TSNARE1: variants seen among roughly 807,000 people sequenced by gnomAD.
TSNARE1 encodes the protein t-SNARE domain-containing protein 1.
TSNARE1 carries 49 observed loss-of-function variants against 62.0 expected under a neutral mutation model. That is an observed-to-expected ratio of 0.79 (90% confidence interval 0.63 to 1.00). The LOEUF (loss-of-function observed/expected upper bound fraction) is 1.00, where lower values mean the gene tolerates loss of function less well. TSNARE1 is among the 50% of genes least tolerant of loss of function. The pLI is 0.00. For synonymous variants in TSNARE1, 328 were observed against 294.4 expected (o/e 1.11, Z -1.17); for missense variants, 755 against 700.1 (o/e 1.08, Z -0.88).
At chr8:142,362,423 C>T (rs12682490) in intron 1 of TSNARE1, among the ~76,000 whole-genome samples, 9,304 of 152,256 alleles carry the variant, frequency 0.061, 458 homozygotes, top group East Asian at 0.26. Context: ...AAGCATTCAG[C>T]GTAAGGCAGA....
rs531915448 is a variant in TSNARE1 at position 142,332,845 on chromosome 8, A to G, written c.746-1014T>C. ...GGGTTTACACAGAGGAGCAGAGCGC[A>G]CATCCAGAGAAGCTCCTGAAGAGCA... On this transcript the variant is annotated intron_variant, in intron 4 of 13. Coordinates refer to ENST00000524325, the MANE Select transcript of TSNARE1 (RefSeq NM_145003.5). Among the ~76,000 whole-genome samples, 43 of 152,294 alleles carry G rather than the reference A, an allele frequency of 2.8e-4. No individual in the cohort carries two copies. In the South Asian group the frequency reaches 8.7e-3, roughly 31 times the overall value.
chr8:142,402,376 T>G (rs958245878), intron 1 of TSNARE1, among the ~76,000 whole-genome samples: 1 of 152,214 alleles, frequency 6.6e-6, no homozygotes, highest in Middle Eastern at 3.2e-3. Context: ...ACGGAGGACC[T>G]GAATCCTTCA....
intron 12 of TSNARE1, among the ~76,000 whole-genome samples, chr8:142,238,597 C>T (rs966285734): frequency 6.6e-6 from 1 of 151,960 alleles, no homozygotes; most frequent in African/African-American, 2.4e-5. Flanking sequence ...CCCATTTCTC[C>T]CCTCCACGCC....
chr8:142,232,588 C>G (rs1359290472), intron 12 of TSNARE1, among the ~76,000 whole-genome samples: 1 of 152,224 alleles, frequency 6.6e-6, no homozygotes, highest in African/African-American at 2.4e-5. Context: ...CCCGAGGGAG[C>G]ACCTGCGGAA....
At chr8:142,222,692 T>TCATC (rs1227881818) in intron 13 of TSNARE1, among the ~76,000 whole-genome samples, 11 of 110,686 alleles carry the variant, frequency 9.9e-5, no homozygotes, top group Non-Finnish European at 1.3e-4. Context: ...ATCCACTCAC[T>TCATC]CACTCATCCA....
chr8:142,317,453 G>A (rs1247288173), intron 7 of TSNARE1, among the ~76,000 whole-genome samples: 1 of 151,782 alleles, frequency 6.6e-6, no homozygotes, highest in Non-Finnish European at 1.5e-5. Context: ...GTGGGCAAGC[G>A]GCTCACACTG....
At chr8:142,218,992 C>A (rs1267689632) in intron 13 of TSNARE1, among the ~76,000 whole-genome samples, 3 of 152,210 alleles carry the variant, frequency 2.0e-5, no homozygotes, top group African/African-American at 7.2e-5. Context: ...ATCTCAATTT[C>A]AGAACGAGCT....
At chr8:142,251,228 C>T (rs1474932334) in intron 12 of TSNARE1, among the ~76,000 whole-genome samples, 6 of 151,996 alleles carry the variant, frequency 3.9e-5, no homozygotes, top group Admixed American at 3.9e-4. Context: ...CTCCAGACCC[C>T]GGCCCCCCTG....
intron 1 of TSNARE1, among the ~76,000 whole-genome samples, chr8:142,387,587 T>C (rs1436808344): frequency 6.6e-6 from 1 of 151,318 alleles, no homozygotes; most frequent in Non-Finnish European, 1.5e-5. Context: ...AAACCAAAGA[T>C]ATTAAAAGAG....
chr8:142,391,910 C>T (rs1349740963), intron 1 of TSNARE1, among the ~76,000 whole-genome samples: 1 of 152,244 alleles, frequency 6.6e-6, no homozygotes, highest in Non-Finnish European at 1.5e-5. Flanking sequence ...CGGGTGTAAG[C>T]ACCACTCAGG....
intron 1 of TSNARE1, among the ~76,000 whole-genome samples, chr8:142,370,446 G>A (rs1456129759): frequency 1.3e-5 from 2 of 152,174 alleles, no homozygotes; most frequent in South Asian, 2.1e-4. Flanking sequence ...TGGGCACAAT[G>A]ATATGTGCCC....
chr8:142,363,382 A>AG (rs1319506238), intron 1 of TSNARE1, among the ~76,000 whole-genome samples: 1 of 152,132 alleles, frequency 6.6e-6, no homozygotes, highest in African/African-American at 2.4e-5. Flanking sequence ...AGTGGGAACC[A>AG]GGGGGAGAGG....
At chr8:142,295,984 C>T (rs542679628) in intron 10 of TSNARE1, among the ~76,000 whole-genome samples, 62 of 131,502 alleles carry the variant, frequency 4.7e-4, no homozygotes, top group Admixed American at 1.8e-3. Flanking sequence ...GATGGGCCGG[C>T]CACTGTCATG....
At chr8:142,350,069 C>CCAGGGCAGG (rs71313219) in intron 2 of TSNARE1, among the ~76,000 whole-genome samples, 922 of 77,428 alleles carry the variant, frequency 0.012, 32 homozygotes, top group African/African-American at 0.044. Context: ...AGGGCTGGGA[C>CCAGGGCAGG]CAGGGCAGGC....
At chr8:142,274,172 A>C in intron 12 of TSNARE1, 1 of 985,412 alleles carries the variant, frequency 1.0e-6, no homozygotes, top group Middle Eastern at 5.2e-4. Context: ...GGGGAGCACC[A>C]GGCCACAATG....
chr8:142,299,952 T>C (rs148611898), intron 10 of TSNARE1, among the ~76,000 whole-genome samples: 2 of 152,362 alleles, frequency 1.3e-5, no homozygotes, highest in African/African-American at 2.4e-5. Context: ...GTATTATACA[T>C]GTGTAAACTT....
chr8:142,367,158 A>C (rs952400721), intron 1 of TSNARE1, among the ~76,000 whole-genome samples: 11 of 152,222 alleles, frequency 7.2e-5, no homozygotes, highest in African/African-American at 2.7e-4. Flanking sequence ...TCTTGAATAG[A>C]ATGACTGTAT....
At chr8:142,290,791 C>T (rs549814310) in intron 10 of TSNARE1, among the ~76,000 whole-genome samples, 15 of 152,334 alleles carry the variant, frequency 9.8e-5, no homozygotes, top group Non-Finnish European at 1.2e-4. Flanking sequence ...GGGCCATCTC[C>T]GCATCCCATC....
intron 9 of TSNARE1, among the ~76,000 whole-genome samples, chr8:142,312,655 C>A (rs1229858846): frequency 2.0e-5 from 3 of 152,190 alleles, no homozygotes; most frequent in African/African-American, 4.8e-5. Context: ...TGCTTGACTT[C>A]TTAGACTCTC....
Sources: allele counts gnomAD v4.1 joint callset (sites outside exome capture counted in the v4.1 genomes callset), GRCh38; gene constraint gnomAD v4.1.1; transcripts MANE v1.5; gene names NCBI Gene and HGNC (gene_info 2026-07-23, HGNC 2026-07-21).